Variants in SYNPR observed in about 807,000 individuals in gnomAD.
SYNPR encodes the protein synaptoporin.
A neutral mutation model predicts 32.9 loss-of-function variants in SYNPR; 23 were observed. The ratio of observed to expected loss-of-function variants is 0.70; its 90% CI spans 0.50 to 0.99. The LOEUF (loss-of-function observed/expected upper bound fraction) is 0.99. Ranked by LOEUF, SYNPR falls within the 50% of genes least tolerant of loss-of-function variation. The pLI, the probability that SYNPR is intolerant of heterozygous loss-of-function variation, is 0.00. For missense variants in SYNPR, 318 were observed against 349.3 expected, an observed-to-expected ratio of 0.91 and a Z score of 0.71; for synonymous variants, 146 against 135.9, an observed-to-expected ratio of 1.07 and a Z score of -0.52.
intron 2 of SYNPR, among the ~76,000 whole-genome samples, chr3:63,314,268 G>T (rs1048273623): frequency 2.0e-5 from 3 of 150,720 alleles, no homozygotes; most frequent in African/African-American, 7.3e-5. Flanking sequence ...CCAAATGGTA[G>T]TTCAGTTCTT....
At position 63,271,925 on chromosome 3, in the gene SYNPR, A is replaced by C. The variant is rs185553128; in HGVS notation, n.287+4476A>C. On this transcript the variant is annotated intron_variant and non_coding_transcript_variant, in intron 3 of 4. Coordinates refer to the SYNPR transcript ENST00000478456. ...AATATTCTTGCTAACCTCCAAGGAAAATTCCCAGATCAACTGATGGCCTAG... is the reference window on the plus strand; with the variant it reads ...AATATTCTTGCTAACCTCCAAGGAACATTCCCAGATCAACTGATGGCCTAG... 1.3e-3 allele frequency among the ~76,000 whole-genome samples: 197 copies of C among 152,270 alleles called. 1 individual carries two copies. The highest frequency in any genetic ancestry group is 3.4e-3 in the Middle Eastern group (1 of 294).
At chr3:63,481,451 A>ATGTGTGTGTGTG (rs71631157) in intron 3 of SYNPR, among the ~76,000 whole-genome samples, 1 of 147,118 alleles carries the variant, frequency 6.8e-6, no homozygotes, top group South Asian at 2.2e-4. Context: ...ATATATATAT[A>ATGTGTGTGTGTG]TGTGTGTGTG....
chr3:63,455,859 A>ACCT (rs1332020081), intron 2 of SYNPR, among the ~76,000 whole-genome samples: 4 of 151,618 alleles, frequency 2.6e-5, no homozygotes, highest in Non-Finnish European at 5.9e-5. Flanking sequence ...TCCAAAGCAG[A>ACCT]CCTCCAATAT....
chr3:63,433,075 C>T (rs1001249510), intron 2 of SYNPR, among the ~76,000 whole-genome samples: 2 of 152,190 alleles, frequency 1.3e-5, no homozygotes, highest in Non-Finnish European at 2.9e-5. Context: ...GCTTTGTTCC[C>T]CAGGATCCAT....
intron 2 of SYNPR, among the ~76,000 whole-genome samples, chr3:63,317,836 T>C (rs976723667): frequency 6.6e-6 from 1 of 152,016 alleles, no homozygotes; most frequent in Non-Finnish European, 1.5e-5. Flanking sequence ...ACACATATTT[T>C]TGTTTTACAA....
chr3:63,288,848 GA>G (rs1385264781), intron 2 of SYNPR, among the ~76,000 whole-genome samples: 2 of 152,132 alleles, frequency 1.3e-5, no homozygotes, highest in East Asian at 1.9e-4. Context: ...TTGAGGAGGG[GA>G]AAAAGAGGAA....
At chr3:63,420,643 T>C (rs1170968744) in intron 2 of SYNPR, among the ~76,000 whole-genome samples, 3 of 152,188 alleles carry the variant, frequency 2.0e-5, no homozygotes, top group Admixed American at 1.3e-4. Flanking sequence ...CTAGGAGGAA[T>C]TTCTTAAAAC....
At chr3:63,227,562 A>G (rs1216206897), upstream of SYNPR, among the ~76,000 whole-genome samples, 1 of 152,178 alleles carries the variant, frequency 6.6e-6, no homozygotes, top group African/African-American at 2.4e-5. Context: ...AGCTGGCATC[A>G]CATTCCATGT....
intron 2 of SYNPR, among the ~76,000 whole-genome samples, chr3:63,339,300 A>G (rs944545228): frequency 2.0e-5 from 3 of 152,208 alleles, no homozygotes; most frequent in Admixed American, 6.5e-5. Context: ...ATTCTGCTGG[A>G]AAGAGACAGA....
intron 2 of SYNPR, among the ~76,000 whole-genome samples, chr3:63,356,399 T>C (rs748638245): frequency 2.0e-5 from 3 of 152,242 alleles, no homozygotes; most frequent in Non-Finnish European, 2.9e-5. Flanking sequence ...TAAACACTCA[T>C]TATGTGTTAG....
At chr3:63,517,079 A>G (rs1322197429) in intron 3 of SYNPR, among the ~76,000 whole-genome samples, 1 of 152,116 alleles carries the variant, frequency 6.6e-6, no homozygotes, top group Non-Finnish European at 1.5e-5. Context: ...TCCATGTGAT[A>G]TTGGCTGAAT....
At chr3:63,336,565 C>T (rs1287108406) in intron 2 of SYNPR, among the ~76,000 whole-genome samples, 1 of 91,118 alleles carries the variant, frequency 1.1e-5, no homozygotes, top group Non-Finnish European at 2.1e-5. Flanking sequence ...AAAAAAAAGA[C>T]TCTATACAAT....
intron 1 of SYNPR, among the ~76,000 whole-genome samples, chr3:63,233,103 A>AC (rs559685951): frequency 1.3e-5 from 2 of 152,194 alleles, no homozygotes; most frequent in Non-Finnish European, 2.9e-5. Flanking sequence ...TGGTTCAAAG[A>AC]CTTTGGGCCT....
intron 2 of SYNPR, among the ~76,000 whole-genome samples, chr3:63,312,363 T>C (rs1373620774): frequency 6.6e-6 from 1 of 152,002 alleles, no homozygotes; most frequent in African/African-American, 2.4e-5. Flanking sequence ...CTCCTACCAG[T>C]TGGGACCTAG....
chr3:63,352,295 C>G (rs535731512), intron 2 of SYNPR, among the ~76,000 whole-genome samples: 1 of 151,980 alleles, frequency 6.6e-6, no homozygotes, highest in African/African-American at 2.4e-5. Context: ...AATCCTCTCA[C>G]CCAGTTCTCG....
intron 2 of SYNPR, among the ~76,000 whole-genome samples, chr3:63,336,234 A>G (rs570554348): frequency 2.3e-4 from 35 of 152,170 alleles, no homozygotes; most frequent in African/African-American, 7.7e-4. Flanking sequence ...TAGAGGATAC[A>G]ACTATGAATT....
intron 2 of SYNPR, among the ~76,000 whole-genome samples, chr3:63,447,014 T>C (rs1700290439): frequency 1.3e-5 from 2 of 152,042 alleles, no homozygotes; most frequent in African/African-American, 4.8e-5. Context: ...GTTATGTCTT[T>C]CTCTTGTTCT....
At chr3:63,539,382 A>G (rs943173539) in intron 3 of SYNPR, among the ~76,000 whole-genome samples, 1 of 152,124 alleles carries the variant, frequency 6.6e-6, no homozygotes, top group Non-Finnish European at 1.5e-5. Flanking sequence ...GTGTGTCCCA[A>G]ACTTGAACCT....
intron 2 of SYNPR, among the ~76,000 whole-genome samples, chr3:63,308,935 C>T (rs916287543): frequency 2.6e-5 from 4 of 151,346 alleles, no homozygotes; most frequent in East Asian, 1.9e-4. Context: ...CATTATTTTC[C>T]GAATTTCCTT....
Sources: gnomAD v4.1 joint callset for allele counts (sites outside exome capture counted in the v4.1 genomes callset) on GRCh38, gnomAD v4.1.1 for gene constraint, MANE v1.5 for transcripts, NCBI Gene and HGNC (gene_info 2026-07-23, HGNC 2026-07-21) for gene names.